CA10: variants seen among roughly 807,000 people sequenced by gnomAD.
CA10 encodes the protein carbonic anhydrase 10 (inactive).
Under a neutral mutation model 44.2 loss-of-function variants are expected in CA10, and 14 were observed. The observed-to-expected ratio is 0.32, with a 90% CI of 0.21 to 0.50. The LOEUF (loss-of-function observed/expected upper bound fraction) is 0.50, where lower values mean the gene tolerates loss of function less well. CA10 is among the 20% of genes least tolerant of loss of function. CA10 has a pLI of 0.99. For missense variants in CA10, 350 were observed against 409.7 expected, an observed-to-expected ratio of 0.85 and a Z score of 1.26; for synonymous variants, 159 against 141.6, an observed-to-expected ratio of 1.12 and a Z score of -0.87.
At chr17:51,734,688 A>C (rs7207398) in intron 4 of CA10, among the ~76,000 whole-genome samples, 104,013 of 152,082 alleles carry the variant, frequency 0.68, 35,606 homozygotes, top group East Asian at 0.77. Context: ...TGGGAGGGCG[A>C]TTCCTTGCAG....
chr17:51,775,600 G>C (rs915639545), intron 3 of CA10, among the ~76,000 whole-genome samples: 1 of 152,074 alleles, frequency 6.6e-6, no homozygotes, highest in African/African-American at 2.4e-5. Context: ...TTTTAAATAA[G>C]AGTCCTCATC....
intron 2 of CA10, among the ~76,000 whole-genome samples, chr17:51,934,309 G>C (rs1708109590): frequency 6.6e-6 from 1 of 152,066 alleles, no homozygotes; most frequent in African/African-American, 2.4e-5. Flanking sequence ...GGCGAGGAAG[G>C]ACAGAGTAAA....
At position 52,071,870 on chromosome 17, in the gene CA10, T is replaced by A. The variant is rs905315483; in HGVS notation, c.136+449A>T. 4.5e-4 allele frequency among the ~76,000 whole-genome samples: 68 copies of A among 152,212 alleles called. 1 individual carries two copies. The highest frequency in any genetic ancestry group is 4.1e-4 in the Non-Finnish European group (28 of 68,040). ...TTCAGTTCTCTGTCCTCTGCCCGCA[T>A]GCTGACAAGATCCACTTTACCTGGT... On this transcript the variant is annotated intron_variant, in intron 2 of 8. Coordinates refer to ENST00000451037, the MANE Select transcript of CA10 (RefSeq NM_020178.5).
At chr17:51,811,110 C>T (rs923617230) in intron 3 of CA10, among the ~76,000 whole-genome samples, 5 of 151,024 alleles carry the variant, frequency 3.3e-5, no homozygotes, top group African/African-American at 4.9e-5. Context: ...GTCGGAGAAT[C>T]GCTGGAACCC....
chr17:51,843,174 C>T (rs544739499), intron 3 of CA10, among the ~76,000 whole-genome samples: 9 of 152,222 alleles, frequency 5.9e-5, no homozygotes, highest in East Asian at 1.9e-4. Flanking sequence ...TTGAAGACAG[C>T]GAGGAACTCC....
chr17:51,900,493 T>C (rs926913834), intron 3 of CA10, among the ~76,000 whole-genome samples: 2 of 152,174 alleles, frequency 1.3e-5, no homozygotes, highest in African/African-American at 4.8e-5. Context: ...GAGAATCAGA[T>C]GACTATTTGT....
At chr17:52,031,985 C>T (rs1242118126) in intron 2 of CA10, among the ~76,000 whole-genome samples, 3 of 152,044 alleles carry the variant, frequency 2.0e-5, no homozygotes, top group Admixed American at 2.0e-4. Context: ...ACAAGAGCTG[C>T]CATGAGCACA....
At chr17:52,121,322 C>T (rs1989010120) in intron 1 of CA10, among the ~76,000 whole-genome samples, 1 of 152,028 alleles carries the variant, frequency 6.6e-6, no homozygotes, top group African/African-American at 2.4e-5. Flanking sequence ...ATTCAGAACT[C>T]CTTGATTCTG....
chr17:51,832,443 C>A (rs530397821), intron 3 of CA10, among the ~76,000 whole-genome samples: 1 of 152,274 alleles, frequency 6.6e-6, no homozygotes, highest in South Asian at 2.1e-4. Flanking sequence ...TGTTGCAAAA[C>A]AATGTTATGT....
intron 2 of CA10, among the ~76,000 whole-genome samples, chr17:51,989,925 A>G (rs1205885396): frequency 6.6e-6 from 1 of 152,116 alleles, no homozygotes; most frequent in African/African-American, 2.4e-5. Context: ...TACAAGTTCT[A>G]TCATCCACAT....
intron 3 of CA10, among the ~76,000 whole-genome samples, chr17:51,776,892 C>A (rs1905838663): frequency 6.6e-6 from 1 of 152,142 alleles, no homozygotes; most frequent in Admixed American, 6.6e-5. Context: ...ACACCAAGGG[C>A]CAAGAACCGT....
intron 2 of CA10, among the ~76,000 whole-genome samples, chr17:51,969,370 C>T (rs957109113): frequency 1.3e-5 from 2 of 152,038 alleles, no homozygotes; most frequent in African/African-American, 2.4e-5. Flanking sequence ...CCCAAGTTCA[C>T]GTATCTGGTA....
chr17:52,028,438 G>T (rs1036590526), intron 2 of CA10, among the ~76,000 whole-genome samples: 16 of 152,248 alleles, frequency 1.1e-4, no homozygotes, highest in African/African-American at 3.6e-4. Context: ...AACACTTCAT[G>T]CTTTGTGGCA....
chr17:51,926,626 G>A (rs1391064973), intron 3 of CA10, among the ~76,000 whole-genome samples: 1 of 152,176 alleles, frequency 6.6e-6, no homozygotes, highest in Non-Finnish European at 1.5e-5. Flanking sequence ...GCAGCTTCCA[G>A]AGGCCTCCTT....
intron 3 of CA10, among the ~76,000 whole-genome samples, chr17:51,895,048 A>G (rs1981011361): frequency 1.3e-5 from 2 of 152,102 alleles, no homozygotes; most frequent in Admixed American, 1.3e-4. Context: ...GGTATAAATG[A>G]ATTATTATTC....
intron 4 of CA10, among the ~76,000 whole-genome samples, chr17:51,746,063 C>A (rs1263982): frequency 0.38 from 58,465 of 152,032 alleles, 12,876 homozygotes; most frequent in Middle Eastern, 0.51. Context: ...ATGCCTTTGG[C>A]AGACATCCCT....
At chr17:51,798,579 T>C (rs955673907) in intron 3 of CA10, among the ~76,000 whole-genome samples, 1 of 152,190 alleles carries the variant, frequency 6.6e-6, no homozygotes, top group Admixed American at 6.5e-5. Flanking sequence ...CCAGGCATAG[T>C]GAAAATGATT....
At chr17:52,029,337 G>A (rs985332215) in intron 2 of CA10, among the ~76,000 whole-genome samples, 14 of 152,094 alleles carry the variant, frequency 9.2e-5, no homozygotes, top group African/African-American at 3.4e-4. Context: ...ACACGCTTTT[G>A]TCAACAAGCC....
chr17:51,848,150 T>C (rs1978582628), intron 3 of CA10, among the ~76,000 whole-genome samples: 3 of 152,168 alleles, frequency 2.0e-5, no homozygotes, highest in Non-Finnish European at 4.4e-5. Context: ...CAAGAAAGGA[T>C]GAAAAAATAA....
Sources: gnomAD v4.1 joint callset for allele counts (sites outside exome capture counted in the v4.1 genomes callset) on GRCh38, gnomAD v4.1.1 for gene constraint, MANE v1.5 for transcripts, NCBI Gene and HGNC (gene_info 2026-07-23, HGNC 2026-07-21) for gene names.